GRM7: variants seen among roughly 807,000 people sequenced by gnomAD.
GRM7 encodes the protein metabotropic glutamate receptor 7.
A neutral mutation model predicts 84.5 loss-of-function variants in GRM7; 35 were observed. The ratio of observed to expected loss-of-function variants is 0.41; its 90% CI spans 0.32 to 0.55. The LOEUF (loss-of-function observed/expected upper bound fraction) is 0.55. GRM7 is among the 20% of genes least tolerant of loss of function. The pLI is 0.19. For synonymous variants in GRM7, 487 were observed against 455.1 expected (o/e 1.07, Z -0.89); for missense variants, 1,003 against 1,194.6 (o/e 0.84, Z 2.36).
chr3:6,947,745 C>T (rs1244788477), intron 1 of GRM7, among the ~76,000 whole-genome samples: 2 of 152,144 alleles, frequency 1.3e-5, no homozygotes, highest in Admixed American at 6.5e-5. Flanking sequence ...TGTTATTGGT[C>T]TATTCAGAGA....
intron 9 of GRM7, chr3:7,686,358 C>T: frequency 7.8e-7 from 1 of 1,279,400 alleles, no homozygotes; most frequent in Non-Finnish European, 1.1e-6. Flanking sequence ...TTCCTGTAGA[C>T]TGTATACCAC....
chr3:7,484,854 C>A (rs576394206), intron 7 of GRM7, among the ~76,000 whole-genome samples: 2 of 152,236 alleles, frequency 1.3e-5, no homozygotes, highest in South Asian at 4.2e-4. Flanking sequence ...ATGAAATAGA[C>A]AAAGGTGGTA....
At chr3:7,245,804 T>A (rs974994975) in intron 2 of GRM7, among the ~76,000 whole-genome samples, 4 of 152,114 alleles carry the variant, frequency 2.6e-5, no homozygotes, top group Non-Finnish European at 4.4e-5. Flanking sequence ...ATTCTTATAC[T>A]ATTTAAATTA....
intron 2 of GRM7, among the ~76,000 whole-genome samples, chr3:7,209,617 G>A (rs989490376): frequency 6.6e-6 from 1 of 152,176 alleles, no homozygotes; most frequent in Non-Finnish European, 1.5e-5. Flanking sequence ...AATGTGGAAT[G>A]TACGAGAAAC....
chr3:7,357,441 C>G (rs548226408), intron 4 of GRM7, among the ~76,000 whole-genome samples: 2 of 152,122 alleles, frequency 1.3e-5, no homozygotes, highest in East Asian at 3.9e-4. Flanking sequence ...CCCCTCTTAC[C>G]CCCTTCAATA....
intron 2 of GRM7, among the ~76,000 whole-genome samples, chr3:7,221,388 A>AACC (rs1410780675): frequency 6.6e-6 from 1 of 152,090 alleles, no homozygotes; most frequent in African/African-American, 2.4e-5. Flanking sequence ...TCAACTCTCA[A>AACC]ACCTGATTGT....
At chr3:7,561,680 C>T in intron 7 of GRM7, 3 of 382,994 alleles carry the variant, frequency 7.8e-6, no homozygotes, top group South Asian at 3.8e-5. Flanking sequence ...TTGTCTAATT[C>T]TCTGAAGTTG....
chr3:7,097,420 C>A (rs184033602), intron 1 of GRM7, among the ~76,000 whole-genome samples: 44 of 152,112 alleles, frequency 2.9e-4, no homozygotes, highest in Admixed American at 2.1e-3. Context: ...TGATTATAAA[C>A]CTTGGCCTGA....
intron 8 of GRM7, among the ~76,000 whole-genome samples, chr3:7,628,634 G>A (rs141163960): frequency 3.2e-4 from 48 of 152,172 alleles, no homozygotes; most frequent in East Asian, 2.5e-3. Context: ...ATAATTATAC[G>A]TCTAACTCAG....
intron 8 of GRM7, among the ~76,000 whole-genome samples, chr3:7,590,751 A>G (rs1324106326): frequency 1.3e-5 from 2 of 152,122 alleles, no homozygotes; most frequent in African/African-American, 4.8e-5. Context: ...AGCTCAGCCT[A>G]CAGACACATA....
chr3:6,917,724 A>G (rs1696991260), intron 1 of GRM7, among the ~76,000 whole-genome samples: 1 of 152,132 alleles, frequency 6.6e-6, no homozygotes, highest in African/African-American at 2.4e-5. Context: ...AATGAAATGT[A>G]GTAATATATT....
intron 7 of GRM7, among the ~76,000 whole-genome samples, chr3:7,544,724 C>T (rs1202292256): frequency 6.6e-6 from 1 of 152,184 alleles, no homozygotes; most frequent in African/African-American, 2.4e-5. Flanking sequence ...CCTCCTTAGA[C>T]AAGTATTTCT....
intron 1 of GRM7, among the ~76,000 whole-genome samples, chr3:6,877,336 G>A (rs1695345982): frequency 6.6e-6 from 1 of 152,194 alleles, no homozygotes; most frequent in African/African-American, 2.4e-5. Flanking sequence ...CCAGGATACA[G>A]CAGCACACTT....
chr3:7,522,484 C>G lies in GRM7; in HGVS notation c.1516-55938C>G, dbSNP rs894606179. Among the ~76,000 whole-genome samples the G allele has an allele frequency of 2.0e-5, 3 of 152,244 alleles. No individual in the cohort carries two copies. The South Asian group carries it at 6.2e-4, about 32-fold the overall frequency. On this transcript the variant is annotated intron_variant, in intron 7 of 9. Transcript: ENST00000357716. Reference sequence around the variant, plus strand: ...CTGCCTTGTAGAGCTATGACACCTGCCCTCCTCCCCACCTCCAGAGGTCAG... The same window carrying G: ...CTGCCTTGTAGAGCTATGACACCTGGCCTCCTCCCCACCTCCAGAGGTCAG...
intron 4 of GRM7, among the ~76,000 whole-genome samples, chr3:7,399,878 G>T (rs1198425129): frequency 6.6e-6 from 1 of 152,058 alleles, no homozygotes; most frequent in Non-Finnish European, 1.5e-5. Flanking sequence ...TTTTGTACAG[G>T]CTGAAGAACC....
chr3:6,951,707 C>T (rs888195571), intron 1 of GRM7, among the ~76,000 whole-genome samples: 1 of 152,034 alleles, frequency 6.6e-6, no homozygotes, highest in Non-Finnish European at 1.5e-5. Flanking sequence ...TTCCAAGTCC[C>T]CTTTCAGAAA....
intron 9 of GRM7, among the ~76,000 whole-genome samples, chr3:7,725,645 G>A (rs962030883): frequency 6.6e-6 from 1 of 152,146 alleles, no homozygotes; most frequent in African/African-American, 2.4e-5. Context: ...CTGTGGGAGG[G>A]AAGCCAACCC....
At chr3:7,130,097 A>C (rs1414675695) in intron 1 of GRM7, among the ~76,000 whole-genome samples, 1 of 152,178 alleles carries the variant, frequency 6.6e-6, no homozygotes, top group Non-Finnish European at 1.5e-5. Flanking sequence ...ATAAAAGTAG[A>C]GATCTGACTC....
At chr3:6,945,760 C>T (rs138349635) in intron 1 of GRM7, among the ~76,000 whole-genome samples, 47 of 152,234 alleles carry the variant, frequency 3.1e-4, no homozygotes, top group South Asian at 8.3e-4. Flanking sequence ...CCATTCTAAC[C>T]GGTGTGAGAT....
Sources: gnomAD v4.1 joint callset for allele counts (sites outside exome capture counted in the v4.1 genomes callset) on GRCh38, gnomAD v4.1.1 for gene constraint, MANE v1.5 for transcripts, NCBI Gene and HGNC (gene_info 2026-07-23, HGNC 2026-07-21) for gene names.